The following TENM1 variants were observed in gnomAD, a reference collection of about 807,000 sequenced individuals.
TENM1 encodes teneurin-1.
A neutral mutation model predicts 174.8 loss-of-function variants in TENM1; 35 were observed. The observed-to-expected ratio is 0.20, with a 90% CI of 0.15 to 0.27. The LOEUF is 0.27. Ranked by LOEUF, TENM1 falls within the 10% of genes least tolerant of loss-of-function variation. The probability of loss-of-function intolerance (pLI) is 1.00; values close to 1 mark genes in which losing one functional copy is unlikely to be tolerated. For synonymous variants in TENM1, 781 were observed against 798.7 expected (o/e 0.98, Z 0.37); for missense variants, 1,633 against 2,130.1 (o/e 0.77, Z 4.59).
At chrX:125,149,396 C>T in the TENM1 span, among the ~76,000 whole-genome samples, 1 of 112,033 alleles carries the variant, frequency 8.9e-6, no homozygotes, top group African/African-American at 3.2e-5. Flanking sequence ...TCTTGTTTCA[C>T]CAGACCACAG....
chrX:124,630,226 C>A (rs1332172174), intron 11 of TENM1, among the ~76,000 whole-genome samples: 1 of 112,288 alleles, frequency 8.9e-6, no homozygotes, highest in African/African-American at 3.2e-5. Flanking sequence ...CAATATCTTT[C>A]TTGGTAAAAA....
At chrX:124,988,028 G>GT in the TENM1 span, among the ~76,000 whole-genome samples, 1 of 111,338 alleles carries the variant, frequency 9.0e-6, no homozygotes, top group Non-Finnish European at 1.9e-5. Context: ...ACAAAAATCA[G>GT]TAAATAAAAT....
chrX:124,743,087 T>C (rs2053838588), intron 3 of TENM1, among the ~76,000 whole-genome samples: 1 of 111,852 alleles, frequency 8.9e-6, no homozygotes, highest in South Asian at 3.7e-4. Context: ...GAGCAGGTAG[T>C]TTTAAGATTT....
At position 124,590,765 on chromosome X, in the gene TENM1, G is replaced by T. The variant is rs750185003; in HGVS notation, c.2078-25205C>A. ...GTCTACTAGGTCCAATTGGTTGAGT[G>T]TCTAAGCTAAGTTCAGAATTTGTTA... On this transcript the variant is annotated intron_variant, in intron 11 of 31. Transcript: ENST00000422452. Among the ~76,000 whole-genome samples the T allele has an allele frequency of 2.9e-4, 32 of 112,019 alleles. No individual in the cohort carries two copies. The South Asian group carries it at 0.012, about 43-fold the overall frequency.
At chrX:125,106,576 A>AT in the TENM1 span, among the ~76,000 whole-genome samples, 1 of 109,723 alleles carries the variant, frequency 9.1e-6, no homozygotes, top group African/African-American at 3.3e-5. Context: ...CGCCCGGCTA[A>AT]TTTTTTGTAT....
chrX:124,916,466 C>A (rs1163287607), intron 1 of TENM1, among the ~76,000 whole-genome samples: 3 of 111,099 alleles, frequency 2.7e-5, no homozygotes, highest in Admixed American at 1.9e-4. Context: ...CATCACTATG[C>A]CCAACTAAAT....
At chrX:125,101,749 C>A in the TENM1 span, among the ~76,000 whole-genome samples, 2,048 of 112,148 alleles carry the variant, frequency 0.018, 18 homozygotes, top group Non-Finnish European at 0.03. Context: ...AAGGGAAGAG[C>A]AGCAAAGGCT....
At chrX:124,996,724 A>T in the TENM1 span, among the ~76,000 whole-genome samples, 2 of 111,114 alleles carry the variant, frequency 1.8e-5, no homozygotes, top group African/African-American at 3.3e-5. Flanking sequence ...ACAGCAGGCT[A>T]ATCAACCTCT....
the TENM1 span, among the ~76,000 whole-genome samples, chrX:125,183,062 A>G: frequency 8.9e-6 from 1 of 112,295 alleles, no homozygotes; most frequent in Non-Finnish European, 1.9e-5. Flanking sequence ...TCAAATCAAT[A>G]AGGTGAAAGT....
At position 124,584,246 on chromosome X, in the gene TENM1, A is replaced by T. The variant is rs762448481; in HGVS notation, c.2078-18686T>A. Among the ~76,000 whole-genome samples, 66 of 109,548 alleles carry T rather than the reference A, an allele frequency of 6.0e-4. 1 individual carries two copies. In the South Asian group the frequency reaches 0.024, roughly 40 times the overall value. On this transcript the variant is annotated intron_variant, in intron 11 of 31. Coordinates refer to ENST00000422452, the Ensembl canonical transcript of TENM1. ...GACACATAATTGTCAGATTCACCAA[A>T]GTTGAAATGAAGGAAAAAATGTTAA...
intron 5 of TENM1, among the ~76,000 whole-genome samples, chrX:124,690,299 C>A (rs369031911): frequency 1.1e-3 from 122 of 111,074 alleles, no homozygotes; most frequent in African/African-American, 3.7e-3. Flanking sequence ...TTCCCTGCCA[C>A]AGACCTAGAA....
chrX:125,023,874 ACAACT>A, the TENM1 span, among the ~76,000 whole-genome samples: 1 of 111,806 alleles, frequency 8.9e-6, no homozygotes, highest in African/African-American at 3.3e-5. Flanking sequence ...AGGAACACAA[ACAACT>A]CAACAAGAAA....
chrX:125,186,601 A>ACTCTCT, the TENM1 span, among the ~76,000 whole-genome samples: 30 of 100,089 alleles, frequency 3.0e-4, no homozygotes, highest in African/African-American at 1.1e-3. Context: ...CCTGGCACAC[A>ACTCTCT]CTCTCTCTCT....
chrX:124,551,978 T>C (rs1163554757), intron 14 of TENM1, among the ~76,000 whole-genome samples: 3 of 112,234 alleles, frequency 2.7e-5, no homozygotes, highest in Non-Finnish European at 5.6e-5. Context: ...TGTTGGAATG[T>C]GTTCATTTTA....
the TENM1 span, among the ~76,000 whole-genome samples, chrX:125,016,250 A>G: frequency 1.8e-5 from 2 of 111,319 alleles, no homozygotes; most frequent in Non-Finnish European, 3.8e-5. Flanking sequence ...GGGTATTCAA[A>G]TAGGAAGAGA....
intron 3 of TENM1, among the ~76,000 whole-genome samples, chrX:124,889,240 T>C (rs1036176004): frequency 4.5e-5 from 5 of 111,236 alleles, no homozygotes; most frequent in Non-Finnish European, 9.4e-5. Flanking sequence ...AAAGCAACAT[T>C]TGTATTACTG....
At chrX:124,530,665 G>A (rs946587483) in intron 15 of TENM1, among the ~76,000 whole-genome samples, 11 of 111,766 alleles carry the variant, frequency 9.8e-5, no homozygotes, top group Non-Finnish European at 2.1e-4. Flanking sequence ...AACAAATTTA[G>A]TTGAGCACAC....
intron 3 of TENM1, among the ~76,000 whole-genome samples, chrX:124,893,994 C>A (rs1428240056): frequency 9.0e-6 from 1 of 111,339 alleles, no homozygotes. Flanking sequence ...GAAGCCAAAT[C>A]CAACCCAACC....
At chrX:124,846,492 T>C (rs188336386) in intron 3 of TENM1, among the ~76,000 whole-genome samples, 1 of 111,389 alleles carries the variant, frequency 9.0e-6, no homozygotes, top group African/African-American at 3.3e-5. Context: ...ATTTCCTTTT[T>C]TATTTTGTTT....
Sources: gnomAD v4.1 joint callset for allele counts (sites outside exome capture counted in the v4.1 genomes callset) on GRCh38, gnomAD v4.1.1 for gene constraint, MANE v1.5 for transcripts, NCBI Gene and HGNC (gene_info 2026-07-23, HGNC 2026-07-21) for gene names.